WDPCP: variants seen among roughly 807,000 people sequenced by gnomAD.
The protein encoded by WDPCP is WD repeat-containing and planar cell polarity effector protein fritz homolog.
Under a neutral mutation model 93.1 loss-of-function variants are expected in WDPCP, and 71 were observed. The observed-to-expected ratio is 0.76, with a 90% CI of 0.63 to 0.93. The LOEUF (loss-of-function observed/expected upper bound fraction) is 0.93. WDPCP is among the 40% of genes least tolerant of loss of function. The pLI is 0.00. For missense variants in WDPCP, 844 were observed against 887.4 expected (o/e 0.95, Z 0.62); for synonymous variants, 315 against 315.0 (o/e 1.00, Z 0.00).
At chr2:63,579,347 T>C (rs1457104274) in intron 1 of WDPCP, among the ~76,000 whole-genome samples, 1 of 152,210 alleles carries the variant, frequency 6.6e-6, no homozygotes, top group Admixed American at 6.5e-5. Context: ...CAGTGGTTCA[T>C]GCCTGTAATC....
chr2:63,513,835 G>A (rs1015161518), intron 1 of WDPCP, among the ~76,000 whole-genome samples: 1 of 152,152 alleles, frequency 6.6e-6, no homozygotes, highest in Non-Finnish European at 1.5e-5. Context: ...ACCTAAGCAT[G>A]AAAATAGACA....
At chr2:63,262,287 T>G (rs988220499) in intron 13 of WDPCP, among the ~76,000 whole-genome samples, 7 of 152,050 alleles carry the variant, frequency 4.6e-5, no homozygotes, top group Non-Finnish European at 8.8e-5. Context: ...CAACCATTAC[T>G]AAAGAACATA....
chr2:63,409,305 A>C (rs1694850060), intron 9 of WDPCP, among the ~76,000 whole-genome samples: 1 of 152,064 alleles, frequency 6.6e-6, no homozygotes, highest in Non-Finnish European at 1.5e-5. Context: ...GACAACAATC[A>C]CTGCAGTTTG....
intron 14 of WDPCP, among the ~76,000 whole-genome samples, chr2:63,193,667 T>A (rs1675206763): frequency 6.6e-6 from 1 of 152,166 alleles, no homozygotes; most frequent in Non-Finnish European, 1.5e-5. Flanking sequence ...TTAAATTACT[T>A]TTGTAGATAT....
chr2:63,157,306 A>T lies in WDPCP; in HGVS notation c.2079-3732T>A, dbSNP rs150389349. 1.8e-3 allele frequency among the ~76,000 whole-genome samples: 275 copies of T among 152,074 alleles called. 2 individuals are homozygous for T. Among genetic ancestry groups the T allele is most frequent in the African/African-American group, 6.2e-3 (258 of 41,526 alleles). The stretch of plus-strand genomic sequence containing the variant: ...ATATGTATGAGAGACAGTAGTCTAT[A>T]GTTTTTTGTACTTTTTTTTCTTTCG... On this transcript the variant is annotated intron_variant, in intron 15 of 17. Coordinates refer to ENST00000272321, the MANE Select transcript of WDPCP (RefSeq NM_015910.7).
chr2:63,766,045 T>C (rs1377639310), intron 2 of WDPCP, among the ~76,000 whole-genome samples: 1 of 152,220 alleles, frequency 6.6e-6, no homozygotes, highest in Non-Finnish European at 1.5e-5. Context: ...TTTAGAGCAC[T>C]AGCACCTAGC....
chr2:63,730,014 C>A (rs764488024), intron 2 of WDPCP, among the ~76,000 whole-genome samples: 1 of 152,122 alleles, frequency 6.6e-6, no homozygotes, highest in African/African-American at 2.4e-5. Context: ...CAGGCAGGGG[C>A]ATAAGTAGCT....
At chr2:63,136,488 A>C (rs914759989) in intron 17 of WDPCP, among the ~76,000 whole-genome samples, 8 of 152,216 alleles carry the variant, frequency 5.3e-5, no homozygotes, top group Admixed American at 5.2e-4. Context: ...CACATAATAG[A>C]ACACTTAAGA....
chr2:63,554,024 T>A lies in WDPCP; in HGVS notation c.75+34173A>T, dbSNP rs183845051. On this transcript the variant is annotated intron_variant, in intron 1 of 17. Transcript: ENST00000272321. ...AATTAATAATTTACTATCAACACAA[T>A]TTTACCATTTAAACCAGAGACCAAA... Among the ~76,000 whole-genome samples the A allele has an allele frequency of 2.6e-4, 40 of 152,270 alleles. No individual in the cohort carries two copies. The East Asian group carries it at 7.5e-3, about 29-fold the overall frequency.
chr2:63,821,161 A>G (rs998474068), intron 1 of WDPCP, among the ~76,000 whole-genome samples: 1 of 152,056 alleles, frequency 6.6e-6, no homozygotes, highest in Non-Finnish European at 1.5e-5. Flanking sequence ...GTGTTTGACT[A>G]TTTGTTTCCA....
intron 2 of WDPCP, among the ~76,000 whole-genome samples, chr2:63,714,177 TC>T (rs1669302180): frequency 1.3e-5 from 2 of 151,340 alleles, no homozygotes; most frequent in South Asian, 4.2e-4. Flanking sequence ...CGCCTGAGCC[TC>T]CCGAGTAGCT....
intron 14 of WDPCP, among the ~76,000 whole-genome samples, chr2:63,246,437 TC>T (rs1176245168): frequency 6.6e-6 from 1 of 152,168 alleles, no homozygotes; most frequent in Non-Finnish European, 1.5e-5. Context: ...CCATGTATTT[TC>T]CCCCAAGTGT....
intron 2 of WDPCP, among the ~76,000 whole-genome samples, chr2:63,778,825 A>C (rs1160817217): frequency 6.6e-6 from 1 of 152,180 alleles, no homozygotes; most frequent in African/African-American, 2.4e-5. Flanking sequence ...TAATATTGCC[A>C]GTCCGAAATT....
At chr2:63,574,103 T>C (rs564503052) in intron 1 of WDPCP, among the ~76,000 whole-genome samples, 1 of 152,308 alleles carries the variant, frequency 6.6e-6, no homozygotes, top group African/African-American at 2.4e-5. Flanking sequence ...GATCTTACCC[T>C]GCCTCCATTT....
At chr2:63,426,054 A>G (rs1319534236) in intron 9 of WDPCP, among the ~76,000 whole-genome samples, 1 of 152,156 alleles carries the variant, frequency 6.6e-6, no homozygotes, top group African/African-American at 2.4e-5. Flanking sequence ...AAGGCAAAAG[A>G]GGAGGCCGGG....
chr2:63,776,484 A>G (rs896057123), intron 2 of WDPCP, among the ~76,000 whole-genome samples: 18 of 151,818 alleles, frequency 1.2e-4, no homozygotes, highest in Admixed American at 2.6e-4. Flanking sequence ...GTAAAACCCC[A>G]TATCTACAAA....
At chr2:63,710,179 G>T (rs1343813342) in intron 2 of WDPCP, among the ~76,000 whole-genome samples, 1 of 152,142 alleles carries the variant, frequency 6.6e-6, no homozygotes, top group Non-Finnish European at 1.5e-5. Flanking sequence ...CTTAGTGATG[G>T]GCTTGGTGAG....
At chr2:63,586,774 T>C (rs1483258118) in intron 1 of WDPCP, among the ~76,000 whole-genome samples, 1 of 152,216 alleles carries the variant, frequency 6.6e-6, no homozygotes, top group African/African-American at 2.4e-5. Context: ...GTGGCCTTCT[T>C]GGAGTATGGG....
upstream of WDPCP, chr2:63,588,658 A>G: frequency 2.1e-6 from 1 of 483,916 alleles, no homozygotes; most frequent in Non-Finnish European, 3.8e-6. Flanking sequence ...CCCTAGAGTT[A>G]CACACGCTAT....
Sources: gnomAD v4.1 joint callset for allele counts (sites outside exome capture counted in the v4.1 genomes callset) on GRCh38, gnomAD v4.1.1 for gene constraint, MANE v1.5 for transcripts, NCBI Gene and HGNC (gene_info 2026-07-23, HGNC 2026-07-21) for gene names.